The following ASXL2 variants were observed in gnomAD, a reference collection of about 807,000 sequenced individuals.
ASXL2 encodes the protein ASXL transcriptional regulator 2.
Under a neutral mutation model 122.0 loss-of-function variants are expected in ASXL2, and 23 were observed. The observed-to-expected ratio is 0.19, with a 90% CI of 0.14 to 0.27. The LOEUF (loss-of-function observed/expected upper bound fraction) is 0.27, where lower values mean the gene tolerates loss of function less well. Ranked by LOEUF, ASXL2 falls within the 10% of genes least tolerant of loss-of-function variation. ASXL2 has a pLI of 1.00. For missense variants in ASXL2, 1,518 were observed against 1,713.8 expected (o/e 0.89, Z 2.02); for synonymous variants, 650 against 637.0 (o/e 1.02, Z -0.31).
intron 5 of ASXL2, among the ~76,000 whole-genome samples, chr2:25,781,959 C>CT (rs1327580113): frequency 0.049 from 4,345 of 88,116 alleles, 1,053 homozygotes; most frequent in African/African-American, 0.11. Context: ...ACCGCCCGGG[C>CT]TTTTTTCTTT....
At chr2:25,803,955 C>T (rs971222851) in intron 4 of ASXL2, among the ~76,000 whole-genome samples, 5 of 152,204 alleles carry the variant, frequency 3.3e-5, no homozygotes, top group East Asian at 1.9e-4. Context: ...TTGTACTTAA[C>T]GGTGTATGAG....
At chr2:25,764,031 A>G (rs932810912) in intron 8 of ASXL2, among the ~76,000 whole-genome samples, 4 of 152,360 alleles carry the variant, frequency 2.6e-5, no homozygotes, top group Non-Finnish European at 4.4e-5. Flanking sequence ...AATAAATTAC[A>G]ATAAAATTTT....
rs954155605 is a variant in ASXL2, at chr2:25,740,513, TCCC to T, written c.*1513_*1515del. 4 of 228,598 alleles carry T rather than the reference TCCC, an allele frequency of 1.7e-5. No individual in the cohort carries two copies. Among genetic ancestry groups the T allele is most frequent in the African/African-American group, 6.6e-5 (3 of 45,220 alleles). The allele number at this position is 228,598 out of a possible 1,614,324, so 14.2% of individuals were successfully genotyped here. On this transcript the variant is annotated 3_prime_UTR_variant, in exon 13 of 13. Coordinates refer to ENST00000435504, the MANE Select transcript of ASXL2 (RefSeq NM_018263.6). ...ATATGCAAATGATGCAAATTGACAC[TCCC>T]CCATTTAATACAAAATTCTGTTAAA... is the stretch of plus-strand genomic sequence containing the variant.
intron 3 of ASXL2, among the ~76,000 whole-genome samples, chr2:25,819,579 A>G (rs1347995816): frequency 6.6e-6 from 1 of 152,188 alleles, no homozygotes; most frequent in Non-Finnish European, 1.5e-5. Context: ...CACAACTTAA[A>G]TCTAATCATA....
intron 5 of ASXL2, among the ~76,000 whole-genome samples, chr2:25,782,497 GAC>G (rs2088662332): frequency 6.6e-6 from 1 of 152,144 alleles, no homozygotes; most frequent in Non-Finnish European, 1.5e-5. Context: ...AGTGAGCCGA[GAC>G]AGTGCCACTG....
At chr2:25,781,464 A>C (rs1318779527) in intron 5 of ASXL2, among the ~76,000 whole-genome samples, 2 of 152,180 alleles carry the variant, frequency 1.3e-5, no homozygotes, top group Non-Finnish European at 1.5e-5. Context: ...TTGTTACCGC[A>C]AATATATTCT....
At chr2:25,774,509 T>C (rs1052115898) in intron 5 of ASXL2, among the ~76,000 whole-genome samples, 6 of 152,154 alleles carry the variant, frequency 3.9e-5, no homozygotes, top group African/African-American at 1.2e-4. Flanking sequence ...CATGTCTTTT[T>C]ACATTCTGTA....
chr2:25,807,362 T>C (rs2149174866), intron 3 of ASXL2, among the ~76,000 whole-genome samples: 2 of 152,338 alleles, frequency 1.3e-5, no homozygotes, highest in Middle Eastern at 3.4e-3. Flanking sequence ...CCACTGTCTC[T>C]TGGTACTGTG....
chr2:25,832,875 C>T (rs2089470338), intron 3 of ASXL2, among the ~76,000 whole-genome samples: 1 of 152,128 alleles, frequency 6.6e-6, no homozygotes, highest in Admixed American at 6.5e-5. Flanking sequence ...GAACTATGAA[C>T]ACAATAACTT....
chr2:25,812,827 AC>A (rs1309517516), intron 3 of ASXL2, among the ~76,000 whole-genome samples: 2 of 152,252 alleles, frequency 1.3e-5, no homozygotes, highest in Non-Finnish European at 2.9e-5. Flanking sequence ...GAAATCAACA[AC>A]AGCCATGTTG....
intron 8 of ASXL2, among the ~76,000 whole-genome samples, chr2:25,763,232 TC>T (rs2088284706): frequency 6.6e-6 from 1 of 151,634 alleles, no homozygotes; most frequent in African/African-American, 2.4e-5. Flanking sequence ...ATGCCTGTAA[TC>T]CCAGCTCAGC....
At chr2:25,798,646 C>T (rs1207589692) in intron 5 of ASXL2, among the ~76,000 whole-genome samples, 1 of 152,082 alleles carries the variant, frequency 6.6e-6, no homozygotes, top group Non-Finnish European at 1.5e-5. Context: ...CACCTGTAAT[C>T]CCAGCTACTT....
intron 3 of ASXL2, chr2:25,822,893 T>C: frequency 1.8e-6 from 1 of 546,924 alleles, no homozygotes; most frequent in Non-Finnish European, 3.7e-6. Context: ...CAGAAGTAGA[T>C]GGAGCAGGTG....
At position 25,857,634 on chromosome 2, in the gene ASXL2, A is replaced by G. The variant is rs74371254; in HGVS notation, c.58-12071T>C. ...ATGTATGCAAAGCTTCACTGCCTTC[A>G]TATGTTTGGTCAAATGTCAACTTCT... On this transcript the variant is annotated intron_variant, in intron 1 of 12. Coordinates refer to ENST00000435504, the MANE Select transcript of ASXL2 (RefSeq NM_018263.6). Among the ~76,000 whole-genome samples, 30 of 152,276 alleles carry G rather than the reference A, an allele frequency of 2.0e-4. 1 individual carries two copies. The East Asian group carries it at 5.6e-3, about 28-fold the overall frequency.
In ASXL2 at chr2:25,767,702, T is replaced by A; in HGVS notation, c.656A>T (p.Asp219Val). ...KPATWEGKQS[D>V]GQTGSPQNSN... ...GTTTTGAGGGCTGCCTGTCTGTCCA[T>A]CAGATTGCTTTCCTTCCCATGTTGC... is the stretch of plus-strand genomic sequence containing the variant. The change falls in exon 8 of 13, where the codon GAT (aspartate) becomes GTT (valine). Residue 219 changes from aspartate (D) to valine (V), a missense_variant. Around this residue, in one of 8 missense-constraint regions of ASXL2, gnomAD observed 198 missense variants for 209.0 expected, o/e 0.95. Coordinates refer to ENST00000435504, the MANE Select transcript of ASXL2 (RefSeq NM_018263.6). The A allele has an allele frequency of 6.2e-7, 1 of 1,613,934 alleles. No homozygotes were observed. Among genetic ancestry groups the A allele is most frequent in the Non-Finnish European group, 8.5e-7 (1 of 1,179,860 alleles).
chr2:25,835,776 A>G (rs1390190230), intron 2 of ASXL2, among the ~76,000 whole-genome samples: 1 of 152,184 alleles, frequency 6.6e-6, no homozygotes, highest in Admixed American at 6.5e-5. Flanking sequence ...AGTCTAAACT[A>G]CTTCAGAAAA....
intron 5 of ASXL2, among the ~76,000 whole-genome samples, chr2:25,777,978 T>C (rs1247779353): frequency 6.6e-6 from 1 of 152,246 alleles, no homozygotes; most frequent in Non-Finnish European, 1.5e-5. Flanking sequence ...CTGCGTATTA[T>C]GATGGTATTA....
chr2:25,832,482 AC>A (rs2089465678), intron 3 of ASXL2, among the ~76,000 whole-genome samples: 1 of 152,234 alleles, frequency 6.6e-6, no homozygotes, highest in Non-Finnish European at 1.5e-5. Flanking sequence ...AAACAAAAAA[AC>A]AAAAAGGCAA....
In ASXL2 at chr2:25,749,880, A is replaced by G; in HGVS notation, c.1676T>C (p.Val559Ala). Residue 559 changes from valine (V) to alanine (A), a missense_variant, in exon 12 of 13, where the codon GTT becomes GCT. Val to Ala is a moderately conservative substitution (Grantham distance 64). Coordinates refer to ENST00000435504, the MANE Select transcript of ASXL2 (RefSeq NM_018263.6). ...TNMKEPLATLVDQSPESLKRK... is the reference protein window; with the variant it reads ...TNMKEPLATLADQSPESLKRK... Reference sequence around the variant, plus strand: ...CTTGAGGCTTTCTGGGCTCTGATCAACAAGAGTTGCTAGAGGTTCTTTCAT... The same window carrying G: ...CTTGAGGCTTTCTGGGCTCTGATCAGCAAGAGTTGCTAGAGGTTCTTTCAT... 1 of 1,611,330 alleles carries G rather than the reference A, an allele frequency of 6.2e-7. No homozygotes were observed. The highest frequency in any genetic ancestry group is 8.5e-7 in the Non-Finnish European group (1 of 1,179,036).
Sources: allele counts gnomAD v4.1 joint callset (sites outside exome capture counted in the v4.1 genomes callset), GRCh38; gene constraint gnomAD v4.1.1; regional missense constraint gnomAD v4.1.1; transcripts MANE v1.5; gene names NCBI Gene and HGNC (gene_info 2026-07-23, HGNC 2026-07-21).